The following PCYT1B variants were observed in gnomAD, a reference collection of about 807,000 sequenced individuals.
The protein encoded by PCYT1B is choline-phosphate cytidylyltransferase B.
PCYT1B carries 10 observed loss-of-function variants against 26.4 expected under a neutral mutation model. The observed-to-expected ratio is 0.38, with a 90% CI of 0.23 to 0.64. The LOEUF is 0.64. Among genes scored for constraint, PCYT1B ranks in the 30% least tolerant of loss-of-function variants. The probability of loss-of-function intolerance (pLI) is 0.56; values close to 1 mark genes in which losing one functional copy is unlikely to be tolerated. For missense variants in PCYT1B, 161 were observed against 292.7 expected (o/e 0.55, Z 3.28); for synonymous variants, 131 against 108.4 (o/e 1.21, Z -1.29).
chrX:24,621,503 G>A (rs1232430774), intron 1 of PCYT1B, among the ~76,000 whole-genome samples: 1 of 110,726 alleles, frequency 9.0e-6, no homozygotes, highest in Non-Finnish European at 1.9e-5. Context: ...TTGAGATGGA[G>A]TCTCACTCTT....
At chrX:24,569,608 G>A (rs1923754316) in intron 7 of PCYT1B, among the ~76,000 whole-genome samples, 1 of 112,119 alleles carries the variant, frequency 8.9e-6, no homozygotes, top group African/African-American at 3.2e-5. Context: ...CTACAACATG[G>A]ATGAACCCTG....
intron 1 of PCYT1B, among the ~76,000 whole-genome samples, chrX:24,663,681 G>A (rs1267169979): frequency 8.9e-6 from 1 of 111,746 alleles, no homozygotes; most frequent in Non-Finnish European, 1.9e-5. Context: ...TTGGGAGGCC[G>A]AGGCTGGGGG....
chrX:24,618,707 T>C (rs969107297), intron 2 of PCYT1B, among the ~76,000 whole-genome samples: 3 of 107,731 alleles, frequency 2.8e-5, no homozygotes, highest in Non-Finnish European at 5.7e-5. Context: ...AATCTCCACC[T>C]CCCGGGTTCA....
chrX:24,637,487 A>ATATATATATATATATATATATATATATAT (rs1218518627), intron 1 of PCYT1B, among the ~76,000 whole-genome samples: 4 of 56,165 alleles, frequency 7.1e-5, no homozygotes, highest in Non-Finnish European at 1.1e-4. Flanking sequence ...ACTAAAAAAA[A>ATATATATATATATATATATATATATATAT]AAAAATATAT....
At chrX:24,577,051 T>G (rs1226377765) in intron 6 of PCYT1B, among the ~76,000 whole-genome samples, 1 of 111,755 alleles carries the variant, frequency 8.9e-6, no homozygotes, top group Non-Finnish European at 1.9e-5. Flanking sequence ...GAATGAGCAC[T>G]GGGCTGGGAG....
In PCYT1B at chrX:24,619,093, G is replaced by A; in HGVS notation, c.118-9C>T. On this transcript the variant is annotated splice_polypyrimidine_tract_variant and intron_variant, in intron 1 of 7. Coordinates refer to ENST00000379144, the MANE Select transcript of PCYT1B (RefSeq NM_004845.5). ...GCAGGTGCAGTCAGGGTCTAGAAGG[G>A]AGAAAAAGAAAGGGAATACAGTCTG... 1 of 1,155,042 alleles carries A rather than the reference G, an allele frequency of 8.7e-7. No individual in the cohort carries two copies. Among genetic ancestry groups the A allele is most frequent in the Non-Finnish European group, 1.2e-6 (1 of 845,299 alleles).
upstream of PCYT1B, among the ~76,000 whole-genome samples, chrX:24,651,079 T>C (rs769897402): frequency 9.0e-6 from 1 of 111,300 alleles, no homozygotes; most frequent in Admixed American, 9.6e-5. Context: ...GAAGGAAATA[T>C]ATCAAGATGC....
intron 1 of PCYT1B, among the ~76,000 whole-genome samples, chrX:24,643,108 C>T (rs778412316): frequency 1.8e-5 from 2 of 111,674 alleles, no homozygotes; most frequent in Admixed American, 1.9e-4. Flanking sequence ...AAGAACTTGT[C>T]CAAGGTCATT....
chrX:24,662,082 T>C (rs1927040180), intron 1 of PCYT1B, among the ~76,000 whole-genome samples: 1 of 111,442 alleles, frequency 9.0e-6, no homozygotes, highest in Admixed American at 9.6e-5. Flanking sequence ...AATGGGAGGA[T>C]TGTTTGAGCC....
intron 1 of PCYT1B, among the ~76,000 whole-genome samples, chrX:24,662,641 T>G (rs1170418374): frequency 8.9e-6 from 1 of 111,917 alleles, no homozygotes; most frequent in East Asian, 2.8e-4. Flanking sequence ...TTATCTCCCC[T>G]GAGCAACTGT....
At chrX:24,610,338 GA>G (rs1925271544) in intron 2 of PCYT1B, among the ~76,000 whole-genome samples, 1 of 111,652 alleles carries the variant, frequency 9.0e-6, no homozygotes, top group Non-Finnish European at 1.9e-5. Context: ...CTTTATGTCA[GA>G]TAGGGAATTG....
Position 24,575,321 on chromosome X carries a change from GGT to G in PCYT1B, c.709-5_709-4del. 1 of 1,135,297 alleles carries G rather than the reference GGT, an allele frequency of 8.8e-7. No individual in the cohort carries two copies. The highest frequency in any genetic ancestry group is 2.0e-5 in the African/African-American group (1 of 48,793). 93.6% of individuals were successfully genotyped at this position (1,135,297 alleles called of 1,213,427 possible). ...TTCTGGAAACGGTACCTCTTCTCCT[GGT>G]GAAAGTTTACAGGAAAAAAAAAAAC... is the stretch of plus-strand genomic sequence containing the variant. On this transcript the variant is annotated splice_polypyrimidine_tract_variant and splice_region_variant and intron_variant, in intron 6 of 7. Coordinates refer to ENST00000379144, the MANE Select transcript of PCYT1B (RefSeq NM_004845.5).
chrX:24,651,592 G>A (rs145921714), upstream of PCYT1B, among the ~76,000 whole-genome samples: 973 of 95,445 alleles, frequency 0.01, 19 homozygotes, highest in African/African-American at 0.033. Flanking sequence ...GTGCAGTCAC[G>A]TGATCACAGC....
chrX:24,564,414 G>A (rs1463456952), intron 7 of PCYT1B, among the ~76,000 whole-genome samples: 8 of 107,032 alleles, frequency 7.5e-5, no homozygotes, highest in African/African-American at 2.4e-4. Context: ...GTGCAGTGGC[G>A]CGATCTCGGT....
intron 1 of PCYT1B, among the ~76,000 whole-genome samples, chrX:24,652,745 C>T (rs1481746461): frequency 9.0e-6 from 1 of 110,773 alleles, no homozygotes; most frequent in Non-Finnish European, 1.9e-5. Context: ...ATGACATCTA[C>T]CTTCCTACAA....
At chrX:24,609,792 T>C (rs1925252158) in intron 2 of PCYT1B, among the ~76,000 whole-genome samples, 1 of 111,392 alleles carries the variant, frequency 9.0e-6, no homozygotes, top group Non-Finnish European at 1.9e-5. Flanking sequence ...CTGGGAGTAC[T>C]ACTGACTTTT....
At chrX:24,613,861 G>A (rs1925387185) in intron 2 of PCYT1B, among the ~76,000 whole-genome samples, 1 of 106,934 alleles carries the variant, frequency 9.4e-6, no homozygotes, top group South Asian at 4.3e-4. Flanking sequence ...GCTGAATTGG[G>A]AGGATTGCTT....
chrX:24,594,952 A>C (rs774833556), intron 3 of PCYT1B, among the ~76,000 whole-genome samples: 1 of 111,741 alleles, frequency 8.9e-6, no homozygotes, highest in Non-Finnish European at 1.9e-5. Flanking sequence ...TCTGAGCCTC[A>C]GTTATCTGGT....
At chrX:24,651,473 ATATATATATATATATAT>A (rs1295174919), upstream of PCYT1B, among the ~76,000 whole-genome samples, 24 of 28,067 alleles carry the variant, frequency 8.6e-4, 2 homozygotes, top group African/African-American at 4.0e-3. Flanking sequence ...AAAAAAAAAA[ATATATATATATATATAT>A]ATATATATAT....
Sources: gnomAD v4.1 joint callset for allele counts (sites outside exome capture counted in the v4.1 genomes callset) on GRCh38, gnomAD v4.1.1 for gene constraint, MANE v1.5 for transcripts, NCBI Gene and HGNC (gene_info 2026-07-23, HGNC 2026-07-21) for gene names.